Variants in DOP1B observed in about 807,000 individuals in gnomAD.
DOP1B encodes DOP1 leucine zipper like protein B.
DOP1B carries 174 observed loss-of-function variants against 233.5 expected under a neutral mutation model. That is an observed-to-expected ratio of 0.75 (90% CI 0.66 to 0.85). The LOEUF is 0.85. Among genes scored for constraint, DOP1B ranks in the 40% least tolerant of loss-of-function variants. The probability of loss-of-function intolerance (pLI) is 0.00; values close to 1 mark genes in which losing one functional copy is unlikely to be tolerated. For synonymous variants in DOP1B, 1,190 were observed against 1,185.6 expected, an observed-to-expected ratio of 1.00 and a Z score of -0.08; for missense variants, 2,652 against 2,846.6, an observed-to-expected ratio of 0.93 and a Z score of 1.56.
chr21:36,176,683 T>G (rs935250020), intron 2 of DOP1B, among the ~76,000 whole-genome samples: 1 of 152,158 alleles, frequency 6.6e-6, no homozygotes, highest in Non-Finnish European at 1.5e-5. Context: ...TTGACTGGCT[T>G]CACGTTAAAC....
intron 7 of DOP1B, among the ~76,000 whole-genome samples, chr21:36,213,538 C>A (rs2066524456): frequency 6.6e-6 from 1 of 151,714 alleles, no homozygotes; most frequent in Non-Finnish European, 1.5e-5. Context: ...TGCCTGTAAT[C>A]CCAGCACTTT....
rs546191402 is a variant in DOP1B at position 36,227,534 on chromosome 21, A to G, written c.1474-152A>G. ...TGCACTCCAGCCTGGGCTACAGAGCAAGACTCTGTCAAAAAAAAAGAAAGA... is the reference window on the plus strand; with the variant it reads ...TGCACTCCAGCCTGGGCTACAGAGCGAGACTCTGTCAAAAAAAAAGAAAGA... On this transcript the variant is annotated intron_variant, in intron 12 of 36. Coordinates refer to ENST00000691173, the MANE Select transcript of DOP1B (RefSeq NM_001320714.2). 5.5e-4 allele frequency: 390 copies of G among 714,850 alleles called. 4 individuals carry two copies. Among genetic ancestry groups the G allele is most frequent in the African/African-American group, 2.0e-3 (105 of 52,640 alleles). 44.3% of individuals were successfully genotyped at this position (714,850 alleles called of 1,614,324 possible).
intron 1 of DOP1B, among the ~76,000 whole-genome samples, chr21:36,157,996 A>G (rs574153030): frequency 7.9e-5 from 12 of 152,044 alleles, no homozygotes; most frequent in Admixed American, 1.3e-4. Flanking sequence ...CGAAGGTCTC[A>G]TTATGTTGCC....
chr21:36,259,939 T>C (rs2067149267), intron 23 of DOP1B, among the ~76,000 whole-genome samples: 1 of 152,108 alleles, frequency 6.6e-6, no homozygotes, highest in African/African-American at 2.4e-5. Context: ...AGAACTTGTT[T>C]CCAAGTAGTT....
At chr21:36,283,982 CTG>C (rs1470204360) in intron 32 of DOP1B, among the ~76,000 whole-genome samples, 1 of 120,746 alleles carries the variant, frequency 8.3e-6, no homozygotes, top group African/African-American at 3.2e-5. Flanking sequence ...GAGTCTTGCT[CTG>C]TCACCCAGGC....
At chr21:36,264,392 C>G (rs371325667) in intron 26 of DOP1B, among the ~76,000 whole-genome samples, 38 of 151,886 alleles carry the variant, frequency 2.5e-4, no homozygotes, top group African/African-American at 9.0e-4. Context: ...AGCCTGGCAA[C>G]AGAGAGAGAT....
chr21:36,258,721 A>G (rs1177553502), intron 23 of DOP1B, among the ~76,000 whole-genome samples: 1 of 152,174 alleles, frequency 6.6e-6, no homozygotes, highest in Non-Finnish European at 1.5e-5. Flanking sequence ...GGTGTCGTGG[A>G]GGCTAAATAG....
intron 27 of DOP1B, among the ~76,000 whole-genome samples, chr21:36,271,067 A>C (rs1799227848): frequency 1.3e-5 from 2 of 151,872 alleles, no homozygotes; most frequent in South Asian, 4.1e-4. Flanking sequence ...AATGTATACC[A>C]GTTTTATTTG....
chr21:36,243,797 C>T (rs1448715672), intron 18 of DOP1B, among the ~76,000 whole-genome samples: 1 of 151,892 alleles, frequency 6.6e-6, no homozygotes. Context: ...CTCAGCCTCC[C>T]GAGTAGCTAG....
At chr21:36,282,349 CCAA>C (rs1387319651) in intron 32 of DOP1B, among the ~76,000 whole-genome samples, 1 of 152,100 alleles carries the variant, frequency 6.6e-6, no homozygotes, top group African/African-American at 2.4e-5. Flanking sequence ...ACCCAGGAGG[CCAA>C]GGTTGCAGTA....
Position 36,256,820 on chromosome 21 carries a change from T to A in DOP1B, c.5259+2911T>A, listed in dbSNP as rs141192092. On this transcript the variant is annotated intron_variant, in intron 23 of 36. Coordinates refer to ENST00000691173, the MANE Select transcript of DOP1B (RefSeq NM_001320714.2). ...CAACATAACAATCAACACAGAAGACTTCTCTTACCCCAAATATGCGGGGAG... is the reference window on the plus strand; with the variant it reads ...CAACATAACAATCAACACAGAAGACATCTCTTACCCCAAATATGCGGGGAG... Among the ~76,000 whole-genome samples the A allele has an allele frequency of 1.1e-4, 17 of 151,910 alleles. No homozygotes were observed. In the East Asian group the frequency reaches 3.3e-3, roughly 29 times the overall value.
chr21:36,184,728 T>C (rs1442871542), intron 2 of DOP1B, among the ~76,000 whole-genome samples: 1 of 152,234 alleles, frequency 6.6e-6, no homozygotes, highest in African/African-American at 2.4e-5. Context: ...CAGCAAGTGC[T>C]GACCCAGCAG....
rs369588599 is a variant in DOP1B, at chr21:36,248,402, C to A, written c.4832C>A (p.Ala1611Asp). ...NKKTMAAGDP[A>D]NLRNARNAIL... ...TAGACCATGGCTGCAGGTGATCCTG[C>A]CAACTTGAGGAATGCCAGAAATGCC... The change falls in exon 21 of 37, where the codon GCC (alanine) becomes GAC (aspartate). Residue 1611 changes from alanine to aspartate, a missense_variant. This residue lies in a region of DOP1B where 2,617 missense variants were observed against 2,794.3 expected (regional missense o/e 0.94). Coordinates refer to ENST00000691173, the MANE Select transcript of DOP1B (RefSeq NM_001320714.2). The A allele has an allele frequency of 1.5e-4, 248 of 1,613,698 alleles. No individual in the cohort carries two copies. The highest frequency in any genetic ancestry group is 1.9e-4 in the Non-Finnish European group (227 of 1,179,908).
chr21:36,288,822 C>A lies in DOP1B; in HGVS notation c.6353+11C>A, dbSNP rs550855942. 7 of 1,606,438 alleles carry A rather than the reference C, an allele frequency of 4.4e-6. No homozygotes were observed. The East Asian group carries it at 1.1e-4, about 26-fold the overall frequency. Reference sequence around the variant, plus strand: ...AGATGAGTCATTGAGGTAAGCAGTACAAGATCTGTACACAAGAGGAAAAGA... The same window carrying A: ...AGATGAGTCATTGAGGTAAGCAGTAAAAGATCTGTACACAAGAGGAAAAGA... On this transcript the variant is annotated intron_variant, in intron 34 of 36. Coordinates refer to ENST00000691173, the MANE Select transcript of DOP1B (RefSeq NM_001320714.2).
At chr21:36,243,757 C>T (rs11910806) in intron 18 of DOP1B, among the ~76,000 whole-genome samples, 21,501 of 151,676 alleles carry the variant, frequency 0.14, 1,632 homozygotes, top group South Asian at 0.26. Context: ...ACTGCAGTCT[C>T]GAACTCCTGG....
chr21:36,289,424 G>GGTGTGTGTGTGTGTGT (rs59907412), intron 35 of DOP1B, among the ~76,000 whole-genome samples: 7 of 145,064 alleles, frequency 4.8e-5, no homozygotes, highest in East Asian at 2.1e-4. Flanking sequence ...GTGTTTCTAT[G>GGTGTGTGTGTGTGTGT]GTGTGTGTGT....
chr21:36,241,404 C>A (rs1319839502), intron 18 of DOP1B, among the ~76,000 whole-genome samples: 1 of 151,908 alleles, frequency 6.6e-6, no homozygotes, highest in African/African-American at 2.4e-5. Context: ...GGAATAAGCT[C>A]CAGACACCCC....
intron 27 of DOP1B, among the ~76,000 whole-genome samples, chr21:36,273,766 G>T (rs1047520467): frequency 1.4e-4 from 22 of 152,088 alleles, no homozygotes; most frequent in African/African-American, 5.3e-4. Context: ...ACTGATGGTT[G>T]TCGGGCTTGG....
rs771089082 is a variant in DOP1B at position 36,225,580 on chromosome 21, T to C, written c.1386T>C (p.Arg462=). The C allele has an allele frequency of 1.2e-5, 19 of 1,613,992 alleles. No individual in the cohort carries two copies. Among genetic ancestry groups the C allele is most frequent in the Non-Finnish European group, 1.5e-5 (18 of 1,180,030 alleles). ...TGATTTATAGACCAGTGAAGCAGCG[T>C]TACAGCGTGAGGAACAGCGTCAGCC... ...FEECFRPVKQ[R]YSVRNSVSPP... is the part of the protein sequence containing the mutation. The change falls in exon 12 of 37, where the codon CGT becomes CGC. Residue 462 remains arginine, a synonymous_variant. Coordinates refer to ENST00000691173, the MANE Select transcript of DOP1B (RefSeq NM_001320714.2).
Sources: allele counts gnomAD v4.1 joint callset (sites outside exome capture counted in the v4.1 genomes callset), GRCh38; gene constraint gnomAD v4.1.1; regional missense constraint gnomAD v4.1.1; transcripts MANE v1.5; gene names NCBI Gene and HGNC (gene_info 2026-07-23, HGNC 2026-07-21).